Variants in HHAT observed in about 807,000 individuals in gnomAD.
The protein encoded by HHAT is hedgehog acyltransferase.
HHAT carries 47 observed loss-of-function variants against 70.8 expected under a neutral mutation model. That is an observed-to-expected ratio of 0.66 (90% confidence interval 0.53 to 0.85). The LOEUF is 0.85. HHAT is among the 40% of genes least tolerant of loss of function. The pLI, the probability that HHAT is intolerant of heterozygous loss-of-function variation, is 0.00. For synonymous variants in HHAT, 228 were observed against 247.6 expected (o/e 0.92, Z 0.74); for missense variants, 609 against 604.8 (o/e 1.01, Z -0.07).
intron 9 of HHAT, among the ~76,000 whole-genome samples, chr1:210,574,861 C>T (rs567015179): frequency 6.6e-6 from 1 of 152,332 alleles, no homozygotes; most frequent in Non-Finnish European, 1.5e-5. Context: ...AGCACAGTAA[C>T]CTTTAAGTTG....
intron 6 of HHAT, among the ~76,000 whole-genome samples, chr1:210,408,936 A>G (rs1454214766): frequency 6.6e-6 from 1 of 152,200 alleles, no homozygotes; most frequent in Non-Finnish European, 1.5e-5. Context: ...ATCATAGCTC[A>G]CTGTAGCTTT....
At position 210,329,600 on chromosome 1, in the gene HHAT, A is replaced by G. The variant is rs75603733; in HGVS notation, c.-44+496A>G. The stretch of plus-strand genomic sequence containing the variant: ...AAACCCTCCCGCTAATCCTCACCAG[A>G]GGTACTTTACGGGTAGCATTGGTGT... On this transcript the variant is annotated intron_variant, in intron 1 of 11. Transcript: ENST00000261458. 1,051 of 470,266 alleles carry G rather than the reference A, an allele frequency of 2.2e-3. 19 individuals carry two copies. In the East Asian group the frequency reaches 0.08, roughly 36 times the overall value. The allele number at this position is 470,266 out of a possible 1,614,324, so 29.1% of individuals were successfully genotyped here.
chr1:210,480,226 A>AG, intron 8 of HHAT, among the ~76,000 whole-genome samples: 1 of 152,182 alleles, frequency 6.6e-6, no homozygotes, highest in Non-Finnish European at 1.5e-5. Context: ...AGTGTGCTGG[A>AG]GGTGAATCAG....
In HHAT at chr1:210,443,321, G is replaced by A. The variant is rs907133241; in HGVS notation, c.857-21184G>A. Among the ~76,000 whole-genome samples, 23 of 151,662 alleles carry A rather than the reference G, an allele frequency of 1.5e-4. No homozygotes were observed. The East Asian group carries it at 3.1e-3, about 21-fold the overall frequency. On this transcript the variant is annotated intron_variant, in intron 7 of 11. Transcript: ENST00000261458. ...TCTTTTGGCTTAGGATTGACTTGGC[G>A]ATGCGGGCTCTTTTTTGGTTCCTTA... is the stretch of plus-strand genomic sequence containing the variant.
At chr1:210,489,386 C>A (rs986552345) in intron 8 of HHAT, among the ~76,000 whole-genome samples, 8 of 152,158 alleles carry the variant, frequency 5.3e-5, no homozygotes, top group Non-Finnish European at 1.0e-4. Flanking sequence ...CATTCTGAGG[C>A]TGTCAGCTTA....
chr1:210,406,415 A>G (rs2092332635), intron 6 of HHAT, among the ~76,000 whole-genome samples: 2 of 147,190 alleles, frequency 1.4e-5, no homozygotes, highest in Non-Finnish European at 3.0e-5. Context: ...TTTTTTTGAG[A>G]CAGAGTCTTA....
rs546357042 is a variant in HHAT, at chr1:210,605,198, G to GTGTTAC, written c.1245+17101_1245+17106dup. On this transcript the variant is annotated intron_variant, in intron 10 of 11. Transcript: ENST00000261458. Reference sequence around the variant, plus strand: ...CCACTGTAGCAAACCTCCAGGGTAGGTGTTACTACCTCCAGTGTTACAGAT... The same window carrying GTGTTAC: ...CCACTGTAGCAAACCTCCAGGGTAGGTGTTACTGTTACTACCTCCAGTGTTACAGAT... Among the ~76,000 whole-genome samples, 268 of 152,302 alleles carry GTGTTAC rather than the reference G, an allele frequency of 1.8e-3. 3 individuals carry two copies. Among genetic ancestry groups the GTGTTAC allele is most frequent in the African/African-American group, 6.0e-3 (251 of 41,558 alleles).
At chr1:210,400,785 A>C (rs2092029937) in intron 5 of HHAT, 123 bp downstream of exon 5, 1 of 853,672 alleles carries the variant, frequency 1.2e-6, no homozygotes, top group Admixed American at 2.9e-5. Context: ...GGCTCCCCAT[A>C]GTGGCCGTAC....
intron 7 of HHAT, among the ~76,000 whole-genome samples, chr1:210,443,017 T>C (rs2093557324): frequency 6.6e-6 from 1 of 152,248 alleles, no homozygotes; most frequent in African/African-American, 2.4e-5. Flanking sequence ...CCATCTTGAA[T>C]TGATTTTTGT....
chr1:210,363,494 A>G (rs2088582930), intron 3 of HHAT, among the ~76,000 whole-genome samples: 1 of 152,156 alleles, frequency 6.6e-6, no homozygotes, highest in African/African-American at 2.4e-5. Flanking sequence ...GTGCTAGAGT[A>G]TATATTCTGG....
chr1:210,469,194 G>A (rs1221103261), intron 8 of HHAT, among the ~76,000 whole-genome samples: 4 of 152,164 alleles, frequency 2.6e-5, no homozygotes, highest in African/African-American at 9.7e-5. Flanking sequence ...CACCGGAGAT[G>A]TGATGATTCT....
chr1:210,655,585 G>A (rs980469299), intron 11 of HHAT, among the ~76,000 whole-genome samples: 8 of 152,198 alleles, frequency 5.3e-5, no homozygotes, highest in African/African-American at 1.9e-4. Context: ...TGTTGTCCTG[G>A]GCAGACCTGC....
Position 210,370,163 on chromosome 1 carries a change from C to CTTT in HHAT, c.159+7268_159+7270dup, listed in dbSNP as rs200442278. On this transcript the variant is annotated intron_variant, in intron 3 of 11. Coordinates refer to ENST00000261458, the MANE Select transcript of HHAT (RefSeq NM_018194.6). Reference sequence around the variant, plus strand: ...TATTTTCTCCTAGCTTCTTCAATGACTTTTTTTTTTTTTTTTTTTTTTTTT... The same window carrying CTTT: ...TATTTTCTCCTAGCTTCTTCAATGACTTTTTTTTTTTTTTTTTTTTTTTTTTTT... Among the ~76,000 whole-genome samples the CTTT allele has an allele frequency of 1.4e-3, 172 of 122,364 alleles. 9 individuals are homozygous for CTTT. The highest frequency in any genetic ancestry group is 5.4e-3 in the African/African-American group (160 of 29,532). The allele number at this position is 122,364 out of a possible 152,430, so 80.3% of individuals were successfully genotyped here. A position where few individuals can be genotyped will look rare whatever the true frequency, so the allele number is the denominator to read the frequency against.
chr1:210,567,043 A>G (rs1277055177), intron 9 of HHAT, among the ~76,000 whole-genome samples: 1 of 152,186 alleles, frequency 6.6e-6, no homozygotes, highest in Non-Finnish European at 1.5e-5. Context: ...CAGCTCCTGC[A>G]CATCTCTGTC....
chr1:210,339,708 A>G (rs751060683), intron 1 of HHAT, among the ~76,000 whole-genome samples: 38 of 152,216 alleles, frequency 2.5e-4, no homozygotes, highest in Non-Finnish European at 5.0e-4. Context: ...GTGTGGTGAC[A>G]GAAGTCACAT....
intron 9 of HHAT, among the ~76,000 whole-genome samples, chr1:210,538,393 A>G (rs545859737): frequency 1.3e-5 from 2 of 152,184 alleles, no homozygotes; most frequent in East Asian, 3.8e-4. Context: ...TTATAAATAT[A>G]AAAAACAGGA....
Position 210,336,130 on chromosome 1 carries a change from G to GTT in HHAT, c.-44+7031_-44+7032dup, listed in dbSNP as rs112638463. Reference sequence around the variant, plus strand: ...GAAGGGGCTTCTGAGGCATTCTTTTGTTTTTTGGAGACAGGATCTCGCTCT... The same window carrying GTT: ...GAAGGGGCTTCTGAGGCATTCTTTTGTTTTTTTTGGAGACAGGATCTCGCTCT... On this transcript the variant is annotated intron_variant, in intron 1 of 11. Transcript: ENST00000261458. Among the ~76,000 whole-genome samples the GTT allele has an allele frequency of 6.6e-5, 10 of 151,586 alleles. 1 individual carries two copies. The East Asian group carries it at 1.2e-3, about 18-fold the overall frequency.
At chr1:210,372,921 T>A (rs1002595675) in intron 3 of HHAT, among the ~76,000 whole-genome samples, 6 of 152,192 alleles carry the variant, frequency 3.9e-5, no homozygotes, top group African/African-American at 1.4e-4. Context: ...AGAAAAATTT[T>A]AATCCATCAC....
At chr1:210,387,012 A>ATT (rs2091125006) in intron 3 of HHAT, among the ~76,000 whole-genome samples, 1 of 152,204 alleles carries the variant, frequency 6.6e-6, no homozygotes, top group African/African-American at 2.4e-5. Context: ...TCCAGTTTAC[A>ATT]TTTCTCAGTG....
Sources: gnomAD v4.1 joint callset for allele counts (sites outside exome capture counted in the v4.1 genomes callset) on GRCh38, gnomAD v4.1.1 for gene constraint, MANE v1.5 for transcripts, NCBI Gene and HGNC (gene_info 2026-07-23, HGNC 2026-07-21) for gene names.